The following DNAH12 variants were observed in gnomAD, a reference collection of about 807,000 sequenced individuals.
The protein encoded by DNAH12 is axonemal beta dynein heavy chain 12.
In DNAH12, 285 loss-of-function variants were observed where a neutral mutation model predicts 371.5. That is an observed-to-expected ratio of 0.77 (90% CI 0.70 to 0.85). DNAH12 has a LOEUF of 0.85. Among genes scored for constraint, DNAH12 ranks in the 40% least tolerant of loss-of-function variants. The pLI is 0.00. For missense variants in DNAH12, 3,611 were observed against 3,689.4 expected (o/e 0.98, Z 0.55); for synonymous variants, 1,200 against 1,213.0 (o/e 0.99, Z 0.22).
At chr3:57,530,342 GATTT>G (rs2068798108) in intron 2 of DNAH12, 4 of 461,922 alleles carry the variant, frequency 8.7e-6, no homozygotes, top group Non-Finnish European at 1.6e-5. Flanking sequence ...AAAGGATGAG[GATTT>G]ATTTGCCTTT....
At position 57,331,081 on chromosome 3, in the gene DNAH12, G is replaced by A. The variant is rs143840188; in HGVS notation, c.9978+3384C>T. Reference sequence around the variant, plus strand: ...GTCAGACATTGCTCTAAATCCTGGCGATACAGAGGAAAATAACACATGAAT... The same window carrying A: ...GTCAGACATTGCTCTAAATCCTGGCAATACAGAGGAAAATAACACATGAAT... On this transcript the variant is annotated intron_variant, in intron 62 of 73. Transcript: ENST00000495027. Among the ~76,000 whole-genome samples the A allele has an allele frequency of 1.1e-4, 17 of 152,194 alleles. No individual in the cohort carries two copies. The East Asian group carries it at 2.1e-3, about 19-fold the overall frequency.
At chr3:57,333,093 TTTTTA>T (rs1044658040) in intron 62 of DNAH12, among the ~76,000 whole-genome samples, 26 of 152,208 alleles carry the variant, frequency 1.7e-4, no homozygotes, top group African/African-American at 5.5e-4. Context: ...TGCATGTTCT[TTTTTA>T]TTTTATTATT....
chr3:57,300,580 T>C lies in DNAH12; in HGVS notation c.11394+1155A>G, dbSNP rs528577883. Among the ~76,000 whole-genome samples, 5 of 152,080 alleles carry C rather than the reference T, an allele frequency of 3.3e-5. No individual in the cohort carries two copies. In the South Asian group the frequency reaches 6.2e-4, roughly 19 times the overall value. On this transcript the variant is annotated intron_variant, in intron 70 of 73. Transcript: ENST00000495027. Reference sequence around the variant, plus strand: ...GGAAATCACACATACTAAAGAAGCATAGGCTCACTAGTCATTAAAGAAAGT... The same window carrying C: ...GGAAATCACACATACTAAAGAAGCACAGGCTCACTAGTCATTAAAGAAAGT...
rs1261552962 is a variant in DNAH12, at chr3:57,502,613, G to A, written c.1087-134C>T. 8.9e-6 allele frequency: 8 copies of A among 901,560 alleles called. No individual in the cohort carries two copies. The East Asian group carries it at 1.1e-4, about 13-fold the overall frequency. The allele number at this position is 901,560 out of a possible 1,614,324, so 55.8% of individuals were successfully genotyped here. On this transcript the variant is annotated intron_variant, in intron 9 of 73. Coordinates refer to ENST00000495027, the MANE Select transcript of DNAH12 (RefSeq NM_001366028.2). ...CACCCAGGTTGGAGCGCATTGGTGC[G>A]ATCTCGGCTCACTGCAACCTCCGCC... is the stretch of plus-strand genomic sequence containing the variant.
intron 47 of DNAH12, among the ~76,000 whole-genome samples, 158 bp from the exon 48 acceptor site, chr3:57,385,587 A>C (rs2063483643): frequency 6.6e-6 from 1 of 152,248 alleles, no homozygotes; most frequent in Admixed American, 6.5e-5. Flanking sequence ...AAAACTATGA[A>C]AGTGTGGGCC....
Position 57,491,099 on chromosome 3 carries a change from A to AAAAAAAAAAC in DNAH12, c.1336-1413_1336-1412insGTTTTTTTTT, listed in dbSNP as rs56259991. 4.6e-4 allele frequency among the ~76,000 whole-genome samples: 52 copies of AAAAAAAAAAC among 112,798 alleles called. 1 individual carries two copies. The highest frequency in any genetic ancestry group is 1.3e-3 in the South Asian group (4 of 3,190). 74.0% of individuals were successfully genotyped at this position (112,798 alleles called of 152,430 possible). On this transcript the variant is annotated intron_variant, in intron 11 of 73. Transcript: ENST00000495027. ...TCTATCTCAAAAAAAAAAAAAAAAAAAACAACAAATAAAGGGTAGACAGAA... is the reference window on the plus strand; with the variant it reads ...TCTATCTCAAAAAAAAAAAAAAAAAAAAAAAAAAACAACAACAAATAAAGGGTAGACAGAA...
intron 69 of DNAH12, among the ~76,000 whole-genome samples, chr3:57,304,813 G>C (rs943918195): frequency 1.3e-5 from 2 of 151,764 alleles, no homozygotes; most frequent in African/African-American, 4.8e-5. Context: ...AGAACTCTCT[G>C]ACCCCTTCTC....
intron 69 of DNAH12, among the ~76,000 whole-genome samples, chr3:57,307,415 C>T (rs1263170999): frequency 5.9e-5 from 9 of 152,158 alleles, no homozygotes; most frequent in East Asian, 5.8e-4. Context: ...AGCCCAAATA[C>T]GGGGCTGTGC....
At chr3:57,424,494 G>A (rs1000724532) in intron 35 of DNAH12, among the ~76,000 whole-genome samples, 3 of 147,596 alleles carry the variant, frequency 2.0e-5, no homozygotes, top group Non-Finnish European at 4.5e-5. Context: ...AAATTGGATA[G>A]TTGCCAGGCG....
rs1025465122 is a variant in DNAH12, at chr3:57,419,382, C to T, written c.5699G>A (p.Ser1900Asn). ...AGTTCCTTACTTTGCATAGGTAATA[C>T]TCAAATCCATTAGAAACGTATATCT... ...TIRYTFLMDL[S>N]ITYAKPLLFV... The change falls in exon 37 of 74, where the codon AGT becomes AAT. Residue 1900 changes from serine (S) to asparagine (N), a missense_variant. Ser to Asn is a conservative substitution (Grantham distance 46). Transcript: ENST00000495027. The T allele has an allele frequency of 3.3e-6, 5 of 1,500,208 alleles. No homozygotes were observed. The African/African-American group carries it at 4.3e-5, about 13-fold the overall frequency. 92.9% of individuals were successfully genotyped at this position (1,500,208 alleles called of 1,614,324 possible).
chr3:57,525,154 C>CAAAAAAAAAAAAAAAA, intron 2 of DNAH12, among the ~76,000 whole-genome samples: 1 of 109,468 alleles, frequency 9.1e-6, no homozygotes. Flanking sequence ...AGAGGAGAAA[C>CAAAAAAAAAAAAAAAA]AAAAAAAAAA....
At chr3:57,429,974 A>G (rs2153365373) in intron 32 of DNAH12, among the ~76,000 whole-genome samples, 200 bp from the exon 33 acceptor site, 1 of 152,278 alleles carries the variant, frequency 6.6e-6, no homozygotes, top group African/African-American at 2.4e-5. Flanking sequence ...TCCGAGTCTC[A>G]GTCTCTTCAT....
intron 44 of DNAH12, among the ~76,000 whole-genome samples, chr3:57,393,826 CAA>C (rs1420893098): frequency 6.6e-6 from 1 of 151,890 alleles, no homozygotes; most frequent in African/African-American, 2.4e-5. Flanking sequence ...GTGTAAACCA[CAA>C]AGACTAATAA....
intron 60 of DNAH12, among the ~76,000 whole-genome samples, chr3:57,345,657 T>TG (rs1416998537): frequency 4.6e-5 from 7 of 152,180 alleles, no homozygotes; most frequent in African/African-American, 1.7e-4. Flanking sequence ...TGTGCCACAG[T>TG]TAATTTTATG....
At chr3:57,395,343 G>A (rs1014157662) in intron 43 of DNAH12, among the ~76,000 whole-genome samples, 2 of 152,042 alleles carry the variant, frequency 1.3e-5, no homozygotes, top group Admixed American at 6.6e-5. Flanking sequence ...ATACAAACTG[G>A]CTGTAGTTCA....
At chr3:57,435,862 CCTCT>C (rs370703150) in intron 30 of DNAH12, among the ~76,000 whole-genome samples, 13 of 86,894 alleles carry the variant, frequency 1.5e-4, no homozygotes, top group South Asian at 5.3e-4. Flanking sequence ...TGTACTATTC[CCTCT>C]ATTTTTGTAT....
intron 9 of DNAH12, among the ~76,000 whole-genome samples, chr3:57,503,616 T>C (rs2067640585): frequency 6.6e-6 from 1 of 152,042 alleles, no homozygotes; most frequent in Admixed American, 6.6e-5. Flanking sequence ...CTTGATCTCC[T>C]GACCTTGTGT....
At chr3:57,330,217 A>T (rs2153303280) in intron 62 of DNAH12, among the ~76,000 whole-genome samples, 1 of 151,932 alleles carries the variant, frequency 6.6e-6, no homozygotes, top group Non-Finnish European at 1.5e-5. Flanking sequence ...TACTGGGTAT[A>T]TACCCAAAGG....
At chr3:57,318,136 T>A (rs542915290) in intron 65 of DNAH12, among the ~76,000 whole-genome samples, 1 of 152,302 alleles carries the variant, frequency 6.6e-6, no homozygotes, top group South Asian at 2.1e-4. Flanking sequence ...ACTTTGTTGA[T>A]CATTTCCTTT....
Sources: gnomAD v4.1 joint callset for allele counts (sites outside exome capture counted in the v4.1 genomes callset) on GRCh38, gnomAD v4.1.1 for gene constraint, MANE v1.5 for transcripts, NCBI Gene and HGNC (gene_info 2026-07-23, HGNC 2026-07-21) for gene names.